GMDS: variants seen among roughly 807,000 people sequenced by gnomAD.
GMDS encodes the protein GDP-mannose 4,6-dehydratase.
GMDS carries 20 observed loss-of-function variants against 49.9 expected under a neutral mutation model. The ratio of observed to expected loss-of-function variants is 0.40; its 90% CI spans 0.28 to 0.58. The LOEUF (loss-of-function observed/expected upper bound fraction) is 0.58. Among genes scored for constraint, GMDS ranks in the 20% least tolerant of loss-of-function variants. The pLI, the probability that GMDS is intolerant of heterozygous loss-of-function variation, is 0.42. For synonymous variants in GMDS, 177 were observed against 178.6 expected, an observed-to-expected ratio of 0.99 and a Z score of 0.07; for missense variants, 362 against 481.4, an observed-to-expected ratio of 0.75 and a Z score of 2.32.
chr6:1,729,105 A>G lies in GMDS; in HGVS notation c.891-2593T>C, dbSNP rs889493155. Among the ~76,000 whole-genome samples the G allele has an allele frequency of 4.3e-4, 65 of 152,170 alleles. 1 individual carries two copies. Among genetic ancestry groups the G allele is most frequent in the Admixed American group, 4.1e-3 (62 of 15,278 alleles). On this transcript the variant is annotated intron_variant, in intron 8 of 10. Coordinates refer to ENST00000380815, the MANE Select transcript of GMDS (RefSeq NM_001500.4). ...AGGAAAGCATTTAATTCCTGTTTAT[A>G]GCAGTGGCCTGCACGGCTAGACTGC...
intron 7 of GMDS, among the ~76,000 whole-genome samples, chr6:1,914,126 TG>T (rs369543927): frequency 2.4e-4 from 33 of 139,638 alleles, no homozygotes; most frequent in African/African-American, 9.1e-4. Context: ...AAGCGTTTTT[TG>T]TTTGTTTTTT....
intron 9 of GMDS, among the ~76,000 whole-genome samples, chr6:1,657,651 C>T (rs1259093331): frequency 2.6e-5 from 4 of 152,132 alleles, no homozygotes; most frequent in Non-Finnish European, 5.9e-5. Context: ...ACCAGATTTC[C>T]TGTCCTAAGT....
At chr6:2,014,099 AT>A (rs1457930018) in intron 4 of GMDS, among the ~76,000 whole-genome samples, 1 of 140,524 alleles carries the variant, frequency 7.1e-6, no homozygotes, top group Non-Finnish European at 1.5e-5. Context: ...AAAATTTTAT[AT>A]ACAACAAAAT....
At chr6:1,844,123 C>T (rs1477608912) in intron 7 of GMDS, among the ~76,000 whole-genome samples, 4 of 152,174 alleles carry the variant, frequency 2.6e-5, no homozygotes, top group Admixed American at 1.3e-4. Flanking sequence ...ACTGACAGAT[C>T]GAATTCCCAT....
At chr6:1,624,363 C>T in intron 10 of GMDS, 109 bp downstream of exon 10, 1 of 1,302,744 alleles carries the variant, frequency 7.7e-7, no homozygotes, top group Non-Finnish European at 1.1e-6. Context: ...CCGCACCCCG[C>T]CTTCCGGGCT....
intron 1 of GMDS, among the ~76,000 whole-genome samples, chr6:2,216,874 C>G (rs1455986764): frequency 6.6e-6 from 1 of 152,196 alleles, no homozygotes; most frequent in East Asian, 1.9e-4. Flanking sequence ...TCTGCAGCAG[C>G]CCCTGCACCT....
At chr6:2,051,200 T>C (rs1262163825) in intron 4 of GMDS, among the ~76,000 whole-genome samples, 1 of 152,088 alleles carries the variant, frequency 6.6e-6, no homozygotes, top group African/African-American at 2.4e-5. Context: ...TGAAATACAT[T>C]CTCCCCTGGA....
At chr6:1,643,770 T>C (rs906123022) in intron 9 of GMDS, among the ~76,000 whole-genome samples, 5 of 152,174 alleles carry the variant, frequency 3.3e-5, no homozygotes, top group Non-Finnish European at 7.4e-5. Flanking sequence ...ATTGATCATA[T>C]ACTTTAAGTG....
chr6:2,168,215 C>T (rs1232212746), intron 1 of GMDS, among the ~76,000 whole-genome samples: 1 of 152,186 alleles, frequency 6.6e-6, no homozygotes, highest in Non-Finnish European at 1.5e-5. Context: ...AGTCATGCTC[C>T]AATTCTTTCC....
intron 8 of GMDS, 47 bp downstream of exon 8, chr6:1,742,421 C>A (rs773215942): frequency 1.9e-6 from 2 of 1,045,578 alleles, no homozygotes; most frequent in East Asian, 4.8e-5. Flanking sequence ...AGCTCAGGTG[C>A]ATACCTGCCA....
chr6:2,116,251 A>G lies in GMDS; in HGVS notation c.236-371T>C, dbSNP rs556637332. On this transcript the variant is annotated intron_variant, in intron 3 of 10. Coordinates refer to ENST00000380815, the MANE Select transcript of GMDS (RefSeq NM_001500.4). ...TAATAACATGTATACCATCTAAAGC[A>G]ATCCATAACACTGATGATGATGAAG... Among the ~76,000 whole-genome samples, 25 of 151,960 alleles carry G rather than the reference A, an allele frequency of 1.6e-4. 1 individual carries two copies. The highest frequency in any genetic ancestry group is 7.2e-4 in the Admixed American group (11 of 15,276).
intron 4 of GMDS, among the ~76,000 whole-genome samples, chr6:2,045,115 G>C (rs1221815534): frequency 6.6e-6 from 1 of 151,746 alleles, no homozygotes; most frequent in Non-Finnish European, 1.5e-5. Flanking sequence ...AGATTTTCTT[G>C]AATTAATTTT....
At chr6:1,671,041 G>A (rs367649434) in intron 9 of GMDS, among the ~76,000 whole-genome samples, 18 of 152,258 alleles carry the variant, frequency 1.2e-4, no homozygotes, top group African/African-American at 3.6e-4. Context: ...CCCTTGCAGC[G>A]ACTGTGGGGG....
chr6:1,881,924 A>G (rs1337854228), intron 7 of GMDS, among the ~76,000 whole-genome samples: 1 of 152,220 alleles, frequency 6.6e-6, no homozygotes, highest in East Asian at 1.9e-4. Context: ...AGACAGCAGT[A>G]AGATTCAAAG....
intron 7 of GMDS, among the ~76,000 whole-genome samples, chr6:1,806,334 C>G (rs1030462131): frequency 6.6e-6 from 1 of 151,942 alleles, no homozygotes; most frequent in East Asian, 1.9e-4. Context: ...GAGGCAGATT[C>G]CTTTAGATTA....
chr6:2,047,400 T>C (rs200156799), intron 4 of GMDS, among the ~76,000 whole-genome samples: 1 of 152,374 alleles, frequency 6.6e-6, no homozygotes, highest in Middle Eastern at 3.4e-3. Context: ...TCTGTGGCTG[T>C]GCAAAGCAAA....
intron 1 of GMDS, among the ~76,000 whole-genome samples, chr6:2,214,049 CAA>C (rs1409182983): frequency 1.3e-5 from 2 of 152,090 alleles, no homozygotes; most frequent in African/African-American, 4.8e-5. Flanking sequence ...AGCAATGAAG[CAA>C]AGACTATCAA....
chr6:1,821,781 A>G (rs1224366920), intron 7 of GMDS, among the ~76,000 whole-genome samples: 1 of 152,080 alleles, frequency 6.6e-6, no homozygotes, highest in Admixed American at 6.6e-5. Flanking sequence ...AAGAAGACCT[A>G]GTTTTTTCCC....
At chr6:1,749,011 T>C (rs2113513672) in intron 7 of GMDS, among the ~76,000 whole-genome samples, 1 of 152,328 alleles carries the variant, frequency 6.6e-6, no homozygotes, top group South Asian at 2.1e-4. Flanking sequence ...GGCTGTTCCC[T>C]GAAGAATCTT....
Sources: allele counts gnomAD v4.1 joint callset (sites outside exome capture counted in the v4.1 genomes callset), GRCh38; gene constraint gnomAD v4.1.1; transcripts MANE v1.5; gene names NCBI Gene and HGNC (gene_info 2026-07-23, HGNC 2026-07-21).